KIAA0930: variants seen among roughly 807,000 people sequenced by gnomAD.
KIAA0930 encodes the protein KIAA0930.
A neutral mutation model predicts 43.9 loss-of-function variants in KIAA0930; 24 were observed. The ratio of observed to expected loss-of-function variants is 0.55; its 90% CI spans 0.40 to 0.77. The LOEUF (loss-of-function observed/expected upper bound fraction) is 0.77. KIAA0930 is among the 30% of genes least tolerant of loss of function. KIAA0930 has a pLI of 0.00. For missense variants in KIAA0930, 461 were observed against 574.2 expected (o/e 0.80, Z 2.02); for synonymous variants, 259 against 216.4 (o/e 1.20, Z -1.73).
intron 1 of KIAA0930, among the ~76,000 whole-genome samples, chr22:45,220,648 C>G (rs1424079609): frequency 1.3e-5 from 2 of 152,092 alleles, no homozygotes; most frequent in East Asian, 1.9e-4. Context: ...GTGCTATGAT[C>G]ACGACACACT....
chr22:45,214,898 G>A (rs2083721989), intron 1 of KIAA0930, among the ~76,000 whole-genome samples: 1 of 152,088 alleles, frequency 6.6e-6, no homozygotes, highest in Non-Finnish European at 1.5e-5. Flanking sequence ...GACAAAGTGA[G>A]ACCCTGTCTC....
chr22:45,212,338 G>T, intron 1 of KIAA0930: 1 of 1,610,974 alleles, frequency 6.2e-7, no homozygotes, highest in Non-Finnish European at 8.5e-7. Context: ...CAGCCTGAGA[G>T]CCCATGCTCC....
At position 45,213,071 on chromosome 22, in the gene KIAA0930, C is replaced by T. The variant is rs192604702; in HGVS notation, c.65-964G>A. On this transcript the variant is annotated intron_variant, in intron 1 of 9. Transcript: ENST00000336156. Reference sequence around the variant, plus strand: ...TACTCGGGCTGGAAGGCACTAATCCCGACACTTAGAGATGGGGAACGTGAG... The same window carrying T: ...TACTCGGGCTGGAAGGCACTAATCCTGACACTTAGAGATGGGGAACGTGAG... Among the ~76,000 whole-genome samples, 414 of 152,328 alleles carry T rather than the reference C, an allele frequency of 2.7e-3. 1 individual carries two copies. Among genetic ancestry groups the T allele is most frequent in the African/African-American group, 9.2e-3 (384 of 41,578 alleles).
At chr22:45,231,340 C>T (rs2083852347) in intron 1 of KIAA0930, among the ~76,000 whole-genome samples, 1 of 152,098 alleles carries the variant, frequency 6.6e-6, no homozygotes, top group African/African-American at 2.4e-5. Context: ...ACTTTTCTCT[C>T]TTCTGCCTTT....
intron 7 of KIAA0930, among the ~76,000 whole-genome samples, chr22:45,201,869 T>G (rs2147737117): frequency 6.6e-6 from 1 of 152,328 alleles, no homozygotes; most frequent in South Asian, 2.1e-4. Flanking sequence ...ATCTCAGGCA[T>G]GCCTGCGGTA....
intron 1 of KIAA0930, among the ~76,000 whole-genome samples, chr22:45,218,345 T>TTTC (rs2083746660): frequency 1.4e-5 from 2 of 139,314 alleles, no homozygotes; most frequent in Non-Finnish European, 3.1e-5. Context: ...TTTTTTTTTT[T>TTTC]TTTTTTTTTT....
chr22:45,205,623 G>A lies in KIAA0930; in HGVS notation c.414+7C>T, dbSNP rs747063675. ...AGGAGGCTGGGGGCTCTCGTGCCAG[G>A]GCTCACCTGAGATTTCTTCTTATGG... On this transcript the variant is annotated splice_region_variant and intron_variant, in intron 4 of 9. Coordinates refer to ENST00000336156, the MANE Select transcript of KIAA0930 (RefSeq NM_001009880.2). The A allele has an allele frequency of 4.3e-6, 7 of 1,613,496 alleles. No homozygotes were observed. Among genetic ancestry groups the A allele is most frequent in the Non-Finnish European group, 5.9e-6 (7 of 1,179,778 alleles).
chr22:45,213,810 G>C (rs1199806517), intron 1 of KIAA0930, among the ~76,000 whole-genome samples: 1 of 152,142 alleles, frequency 6.6e-6, no homozygotes, highest in Non-Finnish European at 1.5e-5. Flanking sequence ...AGGAGTTCAA[G>C]ACCAGCCTGG....
At chr22:45,208,474 C>A (rs901243758) in intron 2 of KIAA0930, among the ~76,000 whole-genome samples, 1 of 147,994 alleles carries the variant, frequency 6.8e-6, no homozygotes, top group East Asian at 2.1e-4. Context: ...ACAGGCAGAA[C>A]CACCGACTCC....
rs2083552086 is a variant in KIAA0930 at position 45,197,930 on chromosome 22, G to A, written c.1034C>T (p.Thr345Ile). 1 of 1,614,138 alleles carries A rather than the reference G, an allele frequency of 6.2e-7. No homozygotes were observed. The highest frequency in any genetic ancestry group is 1.3e-5 in the African/African-American group (1 of 75,056). ...CGACAGGGACCGAGACCGCAGGTTG[G>A]TTGCATTGTGCAGATCGGCTGGAGG... The part of the protein sequence containing the change: ...DDGGADLHNA[T>I]NLRSRSLSGT... Residue 345 changes from threonine to isoleucine, a missense_variant, in exon 9 of 10, where the codon ACC (threonine) becomes ATC (isoleucine). Coordinates refer to ENST00000336156, the MANE Select transcript of KIAA0930 (RefSeq NM_001009880.2).
At chr22:45,199,794 A>C in intron 8 of KIAA0930, 79 bp downstream of exon 8, 1 of 1,308,984 alleles carries the variant, frequency 7.6e-7, no homozygotes, top group Non-Finnish European at 1.0e-6. Context: ...GAATGAATGA[A>C]TAAATGAATG....
At chr22:45,238,347 G>A (rs372475781) in intron 1 of KIAA0930, among the ~76,000 whole-genome samples, 14 of 152,288 alleles carry the variant, frequency 9.2e-5, no homozygotes, top group Middle Eastern at 3.4e-3. Context: ...CACCTGCTCC[G>A]TATGTGCCCC....
intron 8 of KIAA0930, among the ~76,000 whole-genome samples, chr22:45,198,336 G>A (rs2083555898): frequency 6.6e-6 from 1 of 152,240 alleles, no homozygotes; most frequent in African/African-American, 2.4e-5. Context: ...GAGCCGACCT[G>A]CACCATTACC....
At chr22:45,227,343 CTA>C (rs746517418) in intron 1 of KIAA0930, among the ~76,000 whole-genome samples, 3 of 152,200 alleles carry the variant, frequency 2.0e-5, no homozygotes, top group Non-Finnish European at 4.4e-5. Context: ...TAGCCCTCCT[CTA>C]CTCTGACTTC....
intron 2 of KIAA0930, among the ~76,000 whole-genome samples, chr22:45,209,561 GCT>G (rs774836131): frequency 3.0e-4 from 46 of 152,214 alleles, no homozygotes; most frequent in Admixed American, 9.1e-4. Context: ...ACTGCTGCCC[GCT>G]CTCTCTGTCC....
intron 1 of KIAA0930, among the ~76,000 whole-genome samples, chr22:45,240,224 G>A (rs2083908374): frequency 6.6e-6 from 1 of 152,204 alleles, no homozygotes; most frequent in African/African-American, 2.4e-5. Context: ...GCCCAACGAG[G>A]GCCCGACCCT....
chr22:45,225,791 C>A (rs117629732), intron 1 of KIAA0930, among the ~76,000 whole-genome samples: 2 of 152,254 alleles, frequency 1.3e-5, no homozygotes, highest in Admixed American at 1.3e-4. Flanking sequence ...CCCGTGCCCA[C>A]GTGCACCTGA....
intron 7 of KIAA0930, chr22:45,200,898 G>T: frequency 2.1e-6 from 1 of 473,896 alleles, no homozygotes; most frequent in South Asian, 1.5e-5. Flanking sequence ...ATCAGGGAAG[G>T]CTTCCTGGAG....
intron 1 of KIAA0930, among the ~76,000 whole-genome samples, chr22:45,228,709 A>T (rs1387607589): frequency 2.6e-5 from 2 of 76,296 alleles, no homozygotes; most frequent in Non-Finnish European, 5.6e-5. Context: ...CCCAACCACC[A>T]AACACTCACC....
Sources: gnomAD v4.1 joint callset for allele counts (sites outside exome capture counted in the v4.1 genomes callset) on GRCh38, gnomAD v4.1.1 for gene constraint, MANE v1.5 for transcripts, NCBI Gene and HGNC (gene_info 2026-07-23, HGNC 2026-07-21) for gene names.